HPRT1: variants seen among roughly 807,000 people sequenced by gnomAD.
The protein encoded by HPRT1 is hypoxanthine phosphoribosyltransferase 1, also known as hypoxanthine-guanine phosphoribosyltransferase.
HPRT1 carries 4 observed loss-of-function variants against 19.0 expected under a neutral mutation model. The observed-to-expected ratio is 0.21, with a 90% CI of 0.10 to 0.48. HPRT1 has a LOEUF of 0.48. Among genes scored for constraint, HPRT1 ranks in the 20% least tolerant of loss-of-function variants. The pLI is 0.98. For synonymous variants in HPRT1, 53 were observed against 54.9 expected (o/e 0.97, Z 0.15); for missense variants, 65 against 164.0 (o/e 0.40, Z 3.30).
At chrX:134,498,569 G>C (rs778990771) in intron 7 of HPRT1, 39 bp from the exon 8 acceptor site, 3 of 1,063,597 alleles carry the variant, frequency 2.8e-6, no homozygotes, top group Middle Eastern at 2.7e-4. Flanking sequence ...TAAAAGTGAT[G>C]TTTTCTTTAT....
chrX:134,464,312 G>A (rs1369290181), intron 1 of HPRT1, among the ~76,000 whole-genome samples: 4 of 111,724 alleles, frequency 3.6e-5, no homozygotes, highest in African/African-American at 9.7e-5. Context: ...TTACATTTAG[G>A]AATATTGCAT....
chrX:134,499,656 T>A (rs1453367255), intron 8 of HPRT1, among the ~76,000 whole-genome samples: 1 of 107,538 alleles, frequency 9.3e-6, no homozygotes, highest in Non-Finnish European at 1.9e-5. Context: ...ATAGAAAAAA[T>A]TAGCTGGGGT....
intron 1 of HPRT1, 70 bp downstream of exon 1, chrX:134,460,408 C>G: frequency 1.1e-6 from 1 of 900,150 alleles, no homozygotes; most frequent in Non-Finnish European, 1.4e-6. Flanking sequence ...GGCCCTGAGG[C>G]GCGGGATCCG....
intron 1 of HPRT1, among the ~76,000 whole-genome samples, chrX:134,464,968 T>G (rs1439565474): frequency 9.1e-6 from 1 of 109,858 alleles, no homozygotes; most frequent in Non-Finnish European, 1.9e-5. Context: ...TTGCCCAGAC[T>G]GTAGTGCAAT....
At chrX:134,471,713 T>C (rs1267670905) in intron 1 of HPRT1, among the ~76,000 whole-genome samples, 3 of 110,871 alleles carry the variant, frequency 2.7e-5, no homozygotes, top group Non-Finnish European at 3.8e-5. Context: ...TGATCTCGGC[T>C]CACTGCAACC....
At chrX:134,466,601 A>C (rs986169402) in intron 1 of HPRT1, among the ~76,000 whole-genome samples, 2 of 111,765 alleles carry the variant, frequency 1.8e-5, no homozygotes, top group African/African-American at 6.5e-5. Flanking sequence ...TAAGTCACTC[A>C]GTCTGTGGTA....
chrX:134,497,853 G>A (rs1002515714), intron 6 of HPRT1, among the ~76,000 whole-genome samples: 6 of 108,911 alleles, frequency 5.5e-5, no homozygotes, highest in African/African-American at 2.0e-4. Context: ...AGGCTGAGGC[G>A]GGAGAATGGC....
intron 1 of HPRT1, among the ~76,000 whole-genome samples, chrX:134,465,991 A>G (rs929924714): frequency 1.9e-5 from 2 of 105,805 alleles, no homozygotes; most frequent in African/African-American, 7.0e-5. Flanking sequence ...GTCCTCCCAC[A>G]CCCCCCCCAT....
intron 1 of HPRT1, among the ~76,000 whole-genome samples, chrX:134,471,934 A>T (rs1246930311): frequency 9.2e-6 from 1 of 108,876 alleles, no homozygotes; most frequent in Non-Finnish European, 1.9e-5. Flanking sequence ...CCGCTGCATC[A>T]GCCAGCAGTT....
At chrX:134,489,538 T>C (rs1377470905) in intron 4 of HPRT1, among the ~76,000 whole-genome samples, 2 of 111,651 alleles carry the variant, frequency 1.8e-5, no homozygotes, top group Non-Finnish European at 3.8e-5. Flanking sequence ...CTCATTCTTA[T>C]AACTAGCATA....
chrX:134,466,343 G>T (rs181611338), intron 1 of HPRT1, among the ~76,000 whole-genome samples: 1 of 108,275 alleles, frequency 9.2e-6, no homozygotes, highest in African/African-American at 3.4e-5. Flanking sequence ...ACTTGAACCC[G>T]GGAGTTGGAG....
At chrX:134,496,758 A>T (rs1365697228) in intron 6 of HPRT1, among the ~76,000 whole-genome samples, 1 of 110,991 alleles carries the variant, frequency 9.0e-6, no homozygotes, top group Non-Finnish European at 1.9e-5. Flanking sequence ...AACCAGGATA[A>T]CCTCTGCCTG....
intron 8 of HPRT1, among the ~76,000 whole-genome samples, 197 bp from the exon 9 acceptor site, chrX:134,499,828 CAAATT>C (rs975348715): frequency 4.5e-4 from 50 of 110,448 alleles, no homozygotes; most frequent in African/African-American, 1.6e-3. Context: ...AAACAAGAAA[CAAATT>C]AAACTAATGT....
At chrX:134,467,366 G>C (rs1013001047) in intron 1 of HPRT1, among the ~76,000 whole-genome samples, 2 of 111,860 alleles carry the variant, frequency 1.8e-5, no homozygotes, top group Admixed American at 1.9e-4. Flanking sequence ...GCTCTTTAAG[G>C]GTTGTAAATT....
chrX:134,491,141 A>G (rs1424283922), intron 5 of HPRT1, among the ~76,000 whole-genome samples: 1 of 108,082 alleles, frequency 9.3e-6, no homozygotes, highest in Non-Finnish European at 1.9e-5. Flanking sequence ...TTGCCCCACA[A>G]AGAAACCCAA....
intron 1 of HPRT1, among the ~76,000 whole-genome samples, chrX:134,462,130 A>G (rs1253973287): frequency 9.0e-6 from 1 of 111,190 alleles, no homozygotes; most frequent in Non-Finnish European, 1.9e-5. Context: ...AGCTGGGACT[A>G]CAGGTGCGCA....
At chrX:134,498,831 G>A (rs921114842) in intron 8 of HPRT1, 147 bp downstream of exon 8, 36 of 496,862 alleles carry the variant, frequency 7.2e-5, no homozygotes, top group Non-Finnish European at 9.9e-5. Flanking sequence ...TAGTACAGAC[G>A]TCCTTAGAAC....
intron 6 of HPRT1, among the ~76,000 whole-genome samples, chrX:134,497,629 T>G (rs1255386160): frequency 1.0e-5 from 1 of 99,464 alleles, no homozygotes; most frequent in Non-Finnish European, 2.0e-5. Context: ...CAAAACTCCA[T>G]CTCAAAAAAA....
intron 3 of HPRT1, among the ~76,000 whole-genome samples, chrX:134,478,633 A>C (rs746456584): frequency 1.8e-5 from 2 of 111,907 alleles, no homozygotes; most frequent in African/African-American, 6.5e-5. Flanking sequence ...TTAAAAAAAT[A>C]AGAAAGAAAA....
Sources: allele counts gnomAD v4.1 joint callset (sites outside exome capture counted in the v4.1 genomes callset), GRCh38; gene constraint gnomAD v4.1.1; transcripts MANE v1.5; gene names NCBI Gene and HGNC (gene_info 2026-07-23, HGNC 2026-07-21).